The following RPL26L1 variants were observed in gnomAD, a reference collection of about 807,000 sequenced individuals.
The protein encoded by RPL26L1 is ribosomal protein L26 like 1.
A neutral mutation model predicts 15.2 loss-of-function variants in RPL26L1; 8 were observed. The observed-to-expected ratio is 0.53, with a 90% CI of 0.31 to 0.95. The LOEUF (loss-of-function observed/expected upper bound fraction) is 0.95. RPL26L1 is among the 40% of genes least tolerant of loss of function. RPL26L1 has a pLI of 0.05. For synonymous variants in RPL26L1, 51 were observed against 65.9 expected, an observed-to-expected ratio of 0.77 and a Z score of 1.09; for missense variants, 146 against 190.9, an observed-to-expected ratio of 0.76 and a Z score of 1.39.
intron 1 of RPL26L1, 157 bp downstream of exon 1, chr5:172,959,625 A>C: frequency 1.6e-6 from 2 of 1,255,404 alleles, no homozygotes; most frequent in South Asian, 3.2e-5. Flanking sequence ...CCTCAGCCTC[A>C]AGGTCCCAGT....
chr5:172,962,555 C>G (rs1214612852), intron 2 of RPL26L1, among the ~76,000 whole-genome samples: 1 of 151,320 alleles, frequency 6.6e-6, no homozygotes, highest in African/African-American at 2.4e-5. Context: ...CAGTGGCTCA[C>G]GCCTGTAATC....
At chr5:172,955,892 ACT>A (rs1269238036), upstream of RPL26L1, 11 of 152,116 alleles carry the variant, frequency 7.2e-5, no homozygotes, top group Non-Finnish European at 4.4e-5. Context: ...GGTCTGCCTG[ACT>A]CTGGGATTAC....
upstream of RPL26L1, chr5:172,958,639 G>C (rs1755080351): frequency 6.8e-6 from 2 of 294,806 alleles, no homozygotes; most frequent in African/African-American, 2.2e-5. Context: ...CCAGAGACCC[G>C]GGGACCTTTT....
intron 2 of RPL26L1, among the ~76,000 whole-genome samples, chr5:172,967,876 T>C (rs1755523956): frequency 6.6e-6 from 1 of 151,702 alleles, no homozygotes; most frequent in Non-Finnish European, 1.5e-5. Flanking sequence ...TGTATGTATA[T>C]GATACGTGTA....
chr5:172,960,120 A>C, intron 2 of RPL26L1, 79 bp downstream of exon 2: 1 of 1,529,076 alleles, frequency 6.5e-7, no homozygotes, highest in Non-Finnish European at 9.0e-7. Context: ...ACAGACTCAC[A>C]TGCCTCAGGA....
chr5:172,963,362 A>C (rs1408009402), intron 2 of RPL26L1, among the ~76,000 whole-genome samples: 1 of 136,320 alleles, frequency 7.3e-6, no homozygotes, highest in Admixed American at 8.0e-5. Context: ...CAACAGAGTA[A>C]AACTCGGTCT....
intron 2 of RPL26L1, among the ~76,000 whole-genome samples, chr5:172,967,976 C>T (rs1310088045): frequency 1.3e-5 from 2 of 151,740 alleles, no homozygotes; most frequent in South Asian, 4.1e-4. Context: ...GTTTGAGTAT[C>T]TCAAATTCAG....
chr5:172,954,822 T>C (rs1302609166), upstream of RPL26L1: 2 of 403,578 alleles, frequency 5.0e-6, no homozygotes, highest in East Asian at 7.3e-5. Flanking sequence ...CTCCTTTCAA[T>C]GAACTTTTCC....
At chr5:172,963,130 C>T (rs969738873) in intron 2 of RPL26L1, among the ~76,000 whole-genome samples, 9 of 152,048 alleles carry the variant, frequency 5.9e-5, no homozygotes, top group African/African-American at 2.2e-4. Context: ...GTAATCCCGA[C>T]ACTTTGGGAG....
rs148430056 is a variant in RPL26L1 at position 172,960,032 on chromosome 5, C to T, written c.159C>T (p.Asp53=). 6.2e-5 allele frequency: 100 copies of T among 1,613,968 alleles called. No homozygotes were observed. The African/African-American group carries it at 1.2e-3, about 19-fold the overall frequency. The part of the protein sequence containing the change: ...NVRSMPIRKD[D]EVQVVRGHYK... Reference sequence around the variant, plus strand: ...GCTCCATGCCCATCCGCAAGGACGACGAGGTCCAGGTACGTCTCCCTCCGG... The same window carrying T: ...GCTCCATGCCCATCCGCAAGGACGATGAGGTCCAGGTACGTCTCCCTCCGG... Residue 53 remains aspartate, a synonymous_variant, in exon 2 of 4, where the codon GAC becomes GAT. Coordinates refer to ENST00000265100, the MANE Select transcript of RPL26L1 (RefSeq NM_016093.4).
intron 2 of RPL26L1, among the ~76,000 whole-genome samples, chr5:172,967,452 C>T (rs879484845): frequency 6.7e-5 from 10 of 150,278 alleles, no homozygotes; most frequent in Non-Finnish European, 1.2e-4. Context: ...GGGAACAGAG[C>T]GAGACTCCGT....
intron 2 of RPL26L1, among the ~76,000 whole-genome samples, chr5:172,966,372 G>A (rs557684157): frequency 1.5e-3 from 177 of 117,880 alleles, no homozygotes; most frequent in African/African-American, 5.4e-3. Context: ...ATGTTGCCTC[G>A]GCTGGTCTCC....
rs1581603355 is a variant in RPL26L1 at position 172,959,484 on chromosome 5, A to G, written c.-10+16A>G. 1 of 1,023,786 alleles carries G rather than the reference A, an allele frequency of 9.8e-7. No homozygotes were observed. The highest frequency in any genetic ancestry group is 1.2e-6 in the Non-Finnish European group (1 of 849,820). The allele number at this position is 1,023,786 out of a possible 1,614,324, so 63.4% of individuals were successfully genotyped here. A position where few individuals can be genotyped will look rare whatever the true frequency, so the allele number is the denominator to read the frequency against. On this transcript the variant is annotated intron_variant, in intron 1 of 3. Coordinates refer to ENST00000265100, the MANE Select transcript of RPL26L1 (RefSeq NM_016093.4). ...TAGTAGCCGGGTGAGTGGAGGCTGGAGTTTTCTCGGACAGTGAACTCTACC... is the reference window on the plus strand; with the variant it reads ...TAGTAGCCGGGTGAGTGGAGGCTGGGGTTTTCTCGGACAGTGAACTCTACC...
At chr5:172,968,179 A>G (rs1163923624) in intron 2 of RPL26L1, among the ~76,000 whole-genome samples, 4 of 151,904 alleles carry the variant, frequency 2.6e-5, no homozygotes, top group Admixed American at 2.0e-4. Context: ...ATATATATGT[A>G]TATATATATA....
chr5:172,954,495 G>A (rs958877674), upstream of RPL26L1, among the ~76,000 whole-genome samples: 1 of 151,396 alleles, frequency 6.6e-6, no homozygotes, highest in Non-Finnish European at 1.5e-5. Flanking sequence ...GGGGGGAAGT[G>A]GGGGGAGTGG....
chr5:172,965,577 G>A (rs58376590), intron 2 of RPL26L1, among the ~76,000 whole-genome samples: 142 of 152,234 alleles, frequency 9.3e-4, no homozygotes, highest in African/African-American at 3.2e-3. Flanking sequence ...TGATGACCTT[G>A]TTGTCAGATC....
At chr5:172,968,323 G>A (rs1449602271) in intron 2 of RPL26L1, 136 bp from the exon 3 acceptor site, 2 of 1,102,714 alleles carry the variant, frequency 1.8e-6, no homozygotes, top group African/African-American at 1.6e-5. Flanking sequence ...CAGAAAAGTA[G>A]CTAATTTTTG....
chr5:172,955,198 G>A (rs1001992156), upstream of RPL26L1: 27 of 350,770 alleles, frequency 7.7e-5, no homozygotes, highest in East Asian at 4.5e-4. Context: ...GCGCGATATC[G>A]GCTCACTGCA....
At chr5:172,967,577 T>A (rs907384494) in intron 2 of RPL26L1, among the ~76,000 whole-genome samples, 1 of 152,050 alleles carries the variant, frequency 6.6e-6, no homozygotes, top group Non-Finnish European at 1.5e-5. Flanking sequence ...AGATTTAAAA[T>A]TTTTTTTCTG....
Sources: allele counts gnomAD v4.1 joint callset (sites outside exome capture counted in the v4.1 genomes callset), GRCh38; gene constraint gnomAD v4.1.1; transcripts MANE v1.5; gene names NCBI Gene and HGNC (gene_info 2026-07-23, HGNC 2026-07-21).